BCCIP: variants seen among roughly 807,000 people sequenced by gnomAD.
BCCIP encodes the protein BRCA2 and CDKN1A interacting protein.
In BCCIP, 23 loss-of-function variants were observed where a neutral mutation model predicts 32.8. That is an observed-to-expected ratio of 0.70 (90% confidence interval 0.51 to 0.99). BCCIP has a LOEUF of 0.99. Among genes scored for constraint, BCCIP ranks in the 50% least tolerant of loss-of-function variants. BCCIP has a pLI of 0.00. For synonymous variants in BCCIP, 144 were observed against 137.6 expected (o/e 1.05, Z -0.33); for missense variants, 378 against 379.8 (o/e 1.00, Z 0.04).
exon 7 of BCCIP, chr10:125,842,169 GTGTGCATGCGGGGGGA>G: frequency 2.0e-6 from 1 of 511,114 alleles, no homozygotes; most frequent in Non-Finnish European, 3.2e-6. Context: ...CCCAGCTGCA[GTGTGCATGCGGGGGGA>G]ACCCAGGTGG....
exon 8 of BCCIP, chr10:125,853,310 G>A: frequency 6.9e-6 from 6 of 867,710 alleles, no homozygotes; most frequent in Non-Finnish European, 1.0e-5. Context: ...ACCTAGTAAT[G>A]GTAAATTAGT....
downstream of BCCIP, chr10:125,841,179 C>A: frequency 7.0e-7 from 1 of 1,421,738 alleles, no homozygotes; most frequent in East Asian, 2.4e-5. Context: ...CTAATTCTCC[C>A]TCTCCTTTTG....
intron 6 of BCCIP, among the ~76,000 whole-genome samples, chr10:125,835,578 CAA>C (rs5788716): frequency 5.5e-5 from 8 of 144,806 alleles, no homozygotes; most frequent in African/African-American, 7.6e-5. Flanking sequence ...GACTCTGTCT[CAA>C]AAAAAAAAAA....
Position 125,836,148 on chromosome 10 carries a change from C to T in BCCIP, c.819C>T (p.Asp273=). 6.2e-7 allele frequency: 1 copy of T among 1,614,226 alleles called. No homozygotes were observed. Among genetic ancestry groups the T allele is most frequent in the South Asian group, 1.1e-5 (1 of 91,090 alleles). ...KFNYSVQEES[D]TCLGGKWSFD... The stretch of plus-strand genomic sequence containing the variant: ...ACTACTCAGTGCAGGAGGAGAGCGA[C>T]ACTTGTCTGGGAGGCAAATGGTCTT... The change falls in exon 7 of 7, where the codon GAC becomes GAT. Residue 273 remains aspartate, a synonymous_variant. Transcript: ENST00000278100.
At chr10:125,843,813 C>T (rs937574931), downstream of BCCIP, among the ~76,000 whole-genome samples, 2 of 152,204 alleles carry the variant, frequency 1.3e-5, no homozygotes, top group Non-Finnish European at 2.9e-5. Flanking sequence ...GCGCCCACCA[C>T]AGGCAAAAGA....
downstream of BCCIP, chr10:125,838,203 T>C: frequency 6.3e-7 from 1 of 1,576,076 alleles, no homozygotes; most frequent in Non-Finnish European, 8.6e-7. Context: ...CCATTAAACT[T>C]ACAGTTCAGG....
chr10:125,834,169 TGAG>T (rs907001456), intron 6 of BCCIP, among the ~76,000 whole-genome samples: 2 of 152,086 alleles, frequency 1.3e-5, no homozygotes, highest in Admixed American at 6.6e-5. Flanking sequence ...GTTATGAGCA[TGAG>T]GAGGAGGAGG....
chr10:125,829,112 A>G (rs1854469573), intron 3 of BCCIP, among the ~76,000 whole-genome samples: 2 of 152,192 alleles, frequency 1.3e-5, no homozygotes. Context: ...AAAAGTACCT[A>G]GGTCACTTTG....
At chr10:125,849,783 G>C (rs1040021748) in intron 7 of BCCIP, among the ~76,000 whole-genome samples, 2 of 152,136 alleles carry the variant, frequency 1.3e-5, no homozygotes, top group African/African-American at 4.8e-5. Flanking sequence ...AGATCATTTT[G>C]TAAATTCCAA....
chr10:125,836,942 T>G, downstream of BCCIP: 1 of 1,163,658 alleles, frequency 8.6e-7, no homozygotes, highest in South Asian at 1.4e-5. Flanking sequence ...TTCCCATCCC[T>G]GGAGAATCTA....
chr10:125,846,174 C>T (rs1398731727), downstream of BCCIP, among the ~76,000 whole-genome samples: 1 of 152,198 alleles, frequency 6.6e-6, no homozygotes, highest in African/African-American at 2.4e-5. Flanking sequence ...CAACGGTCTC[C>T]ACTCCCAGTA....
At chr10:125,845,055 A>G (rs906855847), downstream of BCCIP, among the ~76,000 whole-genome samples, 1 of 152,228 alleles carries the variant, frequency 6.6e-6, no homozygotes, top group Non-Finnish European at 1.5e-5. Context: ...ACCTAGTTAC[A>G]AAGAGGTCAT....
intron 5 of BCCIP, 181 bp downstream of exon 5, chr10:125,831,788 T>C: frequency 2.1e-6 from 1 of 480,710 alleles, no homozygotes; most frequent in Non-Finnish European, 3.6e-6. Context: ...AACTGGCTTT[T>C]TGAAGAGTTT....
chr10:125,835,455 G>T (rs577563025), intron 6 of BCCIP, among the ~76,000 whole-genome samples: 57 of 150,970 alleles, frequency 3.8e-4, no homozygotes, highest in Non-Finnish European at 5.8e-4. Flanking sequence ...GGTGGGCACC[G>T]GTAGTCCCAG....
downstream of BCCIP, chr10:125,839,083 A>AG (rs757903657): frequency 1.1e-5 from 18 of 1,614,226 alleles, no homozygotes; most frequent in Non-Finnish European, 1.4e-5. Flanking sequence ...TGCATAGGGA[A>AG]GCTCGATTCG....
At position 125,836,333 on chromosome 10, in the gene BCCIP, G is replaced by A. The variant is rs1854683216; in HGVS notation, c.*59G>A. 3 of 1,610,318 alleles carry A rather than the reference G, an allele frequency of 1.9e-6. No homozygotes were observed. The highest frequency in any genetic ancestry group is 2.5e-6 in the Non-Finnish European group (3 of 1,178,670). ...TGTAAAATTACCAGAAAACTCAGTG[G>A]AGATTTACTGAAAAACTCAGACTTT... is the stretch of plus-strand genomic sequence containing the variant. On this transcript the variant is annotated 3_prime_UTR_variant, in exon 7 of 7. Transcript: ENST00000278100.
At chr10:125,831,721 T>C (rs1330119664) in intron 5 of BCCIP, 114 bp downstream of exon 5, 2 of 1,048,632 alleles carry the variant, frequency 1.9e-6, no homozygotes, top group South Asian at 1.7e-5. Flanking sequence ...TTGGTTTAAG[T>C]GGGTTTAGTG....
At chr10:125,839,847 C>T (rs1387993570), downstream of BCCIP, among the ~76,000 whole-genome samples, 1 of 152,122 alleles carries the variant, frequency 6.6e-6, no homozygotes, top group East Asian at 1.9e-4. Flanking sequence ...ACAGAAGACC[C>T]TCATTTACCC....
At chr10:125,842,186 A>T (rs17153668) in exon 7 of BCCIP, 11 of 427,750 alleles carry the variant, frequency 2.6e-5, no homozygotes, top group South Asian at 7.5e-5. Flanking sequence ...TGCGGGGGGA[A>T]CCCAGGTGGA....
Sources: allele counts gnomAD v4.1 joint callset (sites outside exome capture counted in the v4.1 genomes callset), GRCh38; gene constraint gnomAD v4.1.1; transcripts MANE v1.5; gene names NCBI Gene and HGNC (gene_info 2026-07-23, HGNC 2026-07-21).